ATRNL1: variants seen among roughly 807,000 people sequenced by gnomAD.
ATRNL1 encodes the protein attractin like 1, also known as attractin-like protein 1.
A neutral mutation model predicts 182.7 loss-of-function variants in ATRNL1; 95 were observed. The ratio of observed to expected loss-of-function variants is 0.52; its 90% confidence interval spans 0.44 to 0.62. The LOEUF is 0.62. ATRNL1 is among the 20% of genes least tolerant of loss of function. The pLI is 0.00. For synonymous variants in ATRNL1, 576 were observed against 568.3 expected, an observed-to-expected ratio of 1.01 and a Z score of -0.19; for missense variants, 1,471 against 1,679.5, an observed-to-expected ratio of 0.88 and a Z score of 2.17.
chr10:115,182,945 ATAAAGT>A (rs1196739105), intron 8 of ATRNL1, among the ~76,000 whole-genome samples: 5 of 151,472 alleles, frequency 3.3e-5, no homozygotes, highest in Admixed American at 1.3e-4. Flanking sequence ...AACATAACTA[ATAAAGT>A]TGAAGTTAAG....
chr10:115,459,187 G>A lies in ATRNL1; in HGVS notation c.3323-2754G>A, dbSNP rs538164465. The stretch of plus-strand genomic sequence containing the variant: ...CATCTCAGGACCCTGTAATAATTGC[G>A]TTAACTACACAAATTGTACAGCATG... On this transcript the variant is annotated intron_variant, in intron 21 of 28. Transcript: ENST00000355044. Among the ~76,000 whole-genome samples the A allele has an allele frequency of 5.5e-4, 83 of 152,058 alleles. No homozygotes were observed. The South Asian group carries it at 0.015, about 27-fold the overall frequency.
intron 9 of ATRNL1, among the ~76,000 whole-genome samples, chr10:115,232,599 T>C (rs1554900264): frequency 6.6e-6 from 1 of 152,170 alleles, no homozygotes; most frequent in African/African-American, 2.4e-5. Context: ...TTGCTTTGTG[T>C]CTTGCTTAAA....
chr10:115,738,126 A>C (rs2532707), intron 27 of ATRNL1, among the ~76,000 whole-genome samples: 1 of 47,112 alleles, frequency 2.1e-5, no homozygotes, highest in Non-Finnish European at 4.1e-5. Context: ...GAAGATAATG[A>C]TTTTTTTTTT....
intron 26 of ATRNL1, among the ~76,000 whole-genome samples, chr10:115,674,686 T>G (rs1273554696): frequency 3.9e-5 from 6 of 152,094 alleles, no homozygotes; most frequent in Admixed American, 3.9e-4. Flanking sequence ...AAATTCAAAT[T>G]ATTTAGCCTG....
chr10:115,867,508 T>C (rs1951465453), intron 28 of ATRNL1, among the ~76,000 whole-genome samples: 2 of 152,134 alleles, frequency 1.3e-5, no homozygotes, highest in South Asian at 4.1e-4. Context: ...CCTCATATGC[T>C]TTTTCCTCTC....
chr10:115,497,701 A>G (rs1354948045), intron 24 of ATRNL1, among the ~76,000 whole-genome samples: 1 of 149,782 alleles, frequency 6.7e-6, no homozygotes, highest in Non-Finnish European at 1.5e-5. Flanking sequence ...CTCTGTTGCC[A>G]TGCTGGAGTG....
chr10:115,460,334 A>G (rs1847732468), intron 21 of ATRNL1, among the ~76,000 whole-genome samples: 1 of 152,060 alleles, frequency 6.6e-6, no homozygotes. Context: ...GCTCCTAATT[A>G]TTTCCCCAAG....
chr10:115,316,737 T>G (rs1343393178), intron 18 of ATRNL1, among the ~76,000 whole-genome samples: 1 of 152,206 alleles, frequency 6.6e-6, no homozygotes, highest in African/African-American at 2.4e-5. Context: ...GTTCATATCC[T>G]TTGCCCAGTT....
At chr10:115,397,103 A>G (rs1844325367) in intron 20 of ATRNL1, among the ~76,000 whole-genome samples, 1 of 151,882 alleles carries the variant, frequency 6.6e-6, no homozygotes, top group Non-Finnish European at 1.5e-5. Flanking sequence ...TTTTAGAGCA[A>G]TTAATTGCTA....
chr10:115,103,559 G>T (rs1843872958), intron 1 of ATRNL1, among the ~76,000 whole-genome samples: 1 of 151,956 alleles, frequency 6.6e-6, no homozygotes, highest in South Asian at 2.1e-4. Context: ...TTTGATACAG[G>T]TATACAATGC....
chr10:115,193,991 G>A (rs1310872042), intron 8 of ATRNL1, among the ~76,000 whole-genome samples: 5 of 151,792 alleles, frequency 3.3e-5, no homozygotes, highest in African/African-American at 7.3e-5. Context: ...CCATGAGTTT[G>A]TATAGTTTTC....
chr10:115,580,504 T>C (rs1211869965), intron 26 of ATRNL1, among the ~76,000 whole-genome samples: 1 of 152,098 alleles, frequency 6.6e-6, no homozygotes, highest in Non-Finnish European at 1.5e-5. Flanking sequence ...TTTTTCTCAC[T>C]GCTTTCAAAA....
At chr10:115,652,219 ATTG>A (rs554907355) in intron 26 of ATRNL1, among the ~76,000 whole-genome samples, 143 of 148,804 alleles carry the variant, frequency 9.6e-4, no homozygotes, top group African/African-American at 2.9e-3. Context: ...GAAATCAGTC[ATTG>A]TTGTTGTTGT....
At chr10:115,119,923 G>A (rs561424388) in intron 1 of ATRNL1, among the ~76,000 whole-genome samples, 49 of 152,086 alleles carry the variant, frequency 3.2e-4, no homozygotes, top group African/African-American at 1.1e-3. Flanking sequence ...ACTATGTTCA[G>A]TCTTTCAGTG....
At chr10:115,652,885 A>G (rs1425165719) in intron 26 of ATRNL1, among the ~76,000 whole-genome samples, 2 of 152,128 alleles carry the variant, frequency 1.3e-5, no homozygotes, top group Non-Finnish European at 2.9e-5. Context: ...TTTATAATGC[A>G]TGTAGATTTT....
chr10:115,917,611 C>T (rs187907173), intron 28 of ATRNL1, among the ~76,000 whole-genome samples: 272 of 152,018 alleles, frequency 1.8e-3, no homozygotes, highest in African/African-American at 5.9e-3. Context: ...TTGTTTTCAA[C>T]GAGAGAGGTT....
At chr10:115,223,565 A>G (rs1424951381) in intron 9 of ATRNL1, among the ~76,000 whole-genome samples, 1 of 152,030 alleles carries the variant, frequency 6.6e-6, no homozygotes, top group Non-Finnish European at 1.5e-5. Flanking sequence ...AACTGGTAGT[A>G]CCAGGAGACC....
intron 28 of ATRNL1, among the ~76,000 whole-genome samples, chr10:115,901,925 A>G (rs532890353): frequency 1.2e-4 from 18 of 152,136 alleles, no homozygotes; most frequent in Non-Finnish European, 2.4e-4. Context: ...CCAGTTTGTT[A>G]AAGATTGACC....
At chr10:115,620,802 A>G (rs543078479) in intron 26 of ATRNL1, among the ~76,000 whole-genome samples, 1 of 152,232 alleles carries the variant, frequency 6.6e-6, no homozygotes. Context: ...ACACATGAAC[A>G]CATATGTACA....
Sources: gnomAD v4.1 joint callset for allele counts (sites outside exome capture counted in the v4.1 genomes callset) on GRCh38, gnomAD v4.1.1 for gene constraint, MANE v1.5 for transcripts, NCBI Gene and HGNC (gene_info 2026-07-23, HGNC 2026-07-21) for gene names.